Variants in CTNND2 observed in about 807,000 individuals in gnomAD.
CTNND2 encodes the protein catenin delta 2.
In CTNND2, 22 loss-of-function variants were observed where a neutral mutation model predicts 144.4. The ratio of observed to expected loss-of-function variants is 0.15; its 90% CI spans 0.11 to 0.22. The LOEUF (loss-of-function observed/expected upper bound fraction) is 0.22, where lower values mean the gene tolerates loss of function less well. Among genes scored for constraint, CTNND2 ranks in the 10% least tolerant of loss-of-function variants. The pLI is 1.00. For synonymous variants in CTNND2, 751 were observed against 695.6 expected (o/e 1.08, Z -1.25); for missense variants, 1,353 against 1,618.8 (o/e 0.84, Z 2.82).
intron 1 of CTNND2, among the ~76,000 whole-genome samples, chr5:11,848,572 G>A (rs1794859111): frequency 6.6e-6 from 1 of 151,908 alleles, no homozygotes; most frequent in Non-Finnish European, 1.5e-5. Context: ...TTACACAATG[G>A]CAATGTTTAC....
intron 1 of CTNND2, among the ~76,000 whole-genome samples, chr5:11,742,917 A>G (rs1173882145): frequency 6.6e-6 from 1 of 152,218 alleles, no homozygotes; most frequent in Admixed American, 6.5e-5. Flanking sequence ...TCTCATCACC[A>G]AAACTGCAAT....
intron 3 of CTNND2, among the ~76,000 whole-genome samples, chr5:11,435,316 G>A (rs189097199): frequency 0.015 from 2,208 of 150,932 alleles, 18 homozygotes; most frequent in Non-Finnish European, 0.023. Flanking sequence ...TTTTTTTTTT[G>A]TATTTTTAGT....
intron 9 of CTNND2, among the ~76,000 whole-genome samples, chr5:11,262,785 A>AAAAG (rs1185224073): frequency 7.1e-4 from 105 of 148,064 alleles, no homozygotes; most frequent in Non-Finnish European, 9.4e-4. Context: ...AAAAAAAAAA[A>AAAAG]AAAGAAAGAA....
chr5:11,051,917 G>A (rs1335057461), intron 16 of CTNND2, among the ~76,000 whole-genome samples: 3 of 152,124 alleles, frequency 2.0e-5, no homozygotes, highest in African/African-American at 4.8e-5. Flanking sequence ...ACTACGTAAC[G>A]TTGTGCGTTT....
chr5:11,551,403 T>C lies in CTNND2; in HGVS notation c.287+13541A>G, dbSNP rs1370985132. 2.6e-5 allele frequency among the ~76,000 whole-genome samples: 4 copies of C among 151,686 alleles called. No homozygotes were observed. The East Asian group carries it at 7.7e-4, about 29-fold the overall frequency. ...CACAGCAGCAACATATTTTATCATG[T>C]TTTAGCATATTTATGCTTTTTCTTT... On this transcript the variant is annotated intron_variant, in intron 3 of 21. Transcript: ENST00000304623.
chr5:11,649,579 T>G (rs977057803), intron 2 of CTNND2, among the ~76,000 whole-genome samples: 1 of 152,140 alleles, frequency 6.6e-6, no homozygotes. Context: ...CCTCCCAAAG[T>G]GCAGAGATTA....
intron 8 of CTNND2, among the ~76,000 whole-genome samples, chr5:11,362,211 GT>G (rs941966767): frequency 4.6e-5 from 2 of 43,660 alleles, no homozygotes; most frequent in African/African-American, 6.3e-5. Context: ...AACTTAGAAT[GT>G]TTTTTTACGG....
intron 10 of CTNND2, among the ~76,000 whole-genome samples, chr5:11,214,926 A>G (rs1739017855): frequency 1.3e-5 from 2 of 151,862 alleles, no homozygotes; most frequent in African/African-American, 4.8e-5. Context: ...AGCTCCATTT[A>G]CCACCTGACA....
chr5:11,475,904 G>T (rs1466247283), intron 3 of CTNND2, among the ~76,000 whole-genome samples: 1 of 152,026 alleles, frequency 6.6e-6, no homozygotes, highest in African/African-American at 2.4e-5. Flanking sequence ...CGGTAACCCA[G>T]GCTGGAATAT....
chr5:11,072,530 A>T (rs1748446626), intron 16 of CTNND2, among the ~76,000 whole-genome samples: 1 of 152,210 alleles, frequency 6.6e-6, no homozygotes, highest in Admixed American at 6.5e-5. Flanking sequence ...ATTGTTACGA[A>T]CTTTCTGGTT....
intron 18 of CTNND2, among the ~76,000 whole-genome samples, chr5:11,002,634 A>T (rs1740074378): frequency 6.6e-6 from 1 of 152,208 alleles, no homozygotes; most frequent in Non-Finnish European, 1.5e-5. Flanking sequence ...GTGTTTCAAC[A>T]GATGAGATTT....
At position 10,972,734 on chromosome 5, in the gene CTNND2, A is replaced by G. The variant is rs954175256; in HGVS notation, c.*719T>C. ...GTTTAGTTGTCACAAACAAATTCAC[A>G]TATCAGAACGAACAATACTGCTAAA... On this transcript the variant is annotated 3_prime_UTR_variant, in exon 22 of 22. Coordinates refer to ENST00000304623, the MANE Select transcript of CTNND2 (RefSeq NM_001332.4). The G allele has an allele frequency of 3.3e-5, 5 of 152,230 alleles. No individual in the cohort carries two copies. Among genetic ancestry groups the G allele is most frequent in the Admixed American group, 6.6e-5 (1 of 15,246 alleles). The allele number at this position is 152,230 out of a possible 1,614,324, so 9.4% of individuals were successfully genotyped here.
rs1295940957 is a variant in CTNND2, at chr5:11,856,321, AG to A, written c.37+47495del. Among the ~76,000 whole-genome samples, 29 of 152,312 alleles carry A rather than the reference AG, an allele frequency of 1.9e-4. No individual in the cohort carries two copies. The East Asian group carries it at 5.6e-3, about 29-fold the overall frequency. On this transcript the variant is annotated intron_variant, in intron 1 of 21. Transcript: ENST00000304623. ...TCATTCGGCATGGCCAGAGGGAACGAGGTAAGAAGGGATGCTGTGGAAGGGG... is the reference window on the plus strand; with the variant it reads ...TCATTCGGCATGGCCAGAGGGAACGAGTAAGAAGGGATGCTGTGGAAGGGG...
intron 5 of CTNND2, among the ~76,000 whole-genome samples, chr5:11,408,508 T>C (rs1256493186): frequency 6.6e-6 from 1 of 152,190 alleles, no homozygotes; most frequent in South Asian, 2.1e-4. Flanking sequence ...ATGGTACTTT[T>C]ATCAATTGTT....
At chr5:11,481,931 T>C (rs1581297323) in intron 3 of CTNND2, among the ~76,000 whole-genome samples, 1 of 152,148 alleles carries the variant, frequency 6.6e-6, no homozygotes, top group Non-Finnish European at 1.5e-5. Flanking sequence ...AGTTTTTAAT[T>C]ACGCCATTTC....
intron 2 of CTNND2, among the ~76,000 whole-genome samples, chr5:11,720,546 C>T (rs764927415): frequency 6.6e-6 from 1 of 152,168 alleles, no homozygotes; most frequent in Non-Finnish European, 1.5e-5. Flanking sequence ...TCCTGTCTCA[C>T]CCGACCACCC....
intron 3 of CTNND2, among the ~76,000 whole-genome samples, chr5:11,428,214 G>C (rs1455511574): frequency 6.6e-6 from 1 of 152,154 alleles, no homozygotes; most frequent in East Asian, 1.9e-4. Flanking sequence ...GACAAAGTCT[G>C]ACTATCAACA....
intron 2 of CTNND2, among the ~76,000 whole-genome samples, chr5:11,724,283 C>T (rs960918765): frequency 1.3e-5 from 2 of 152,054 alleles, no homozygotes; most frequent in Non-Finnish European, 1.5e-5. Flanking sequence ...TTATTCAAGC[C>T]GTGTTCTTGG....
At chr5:11,222,026 C>T (rs531916337) in intron 10 of CTNND2, among the ~76,000 whole-genome samples, 5 of 152,280 alleles carry the variant, frequency 3.3e-5, no homozygotes, top group African/African-American at 9.6e-5. Context: ...TGCATCAAAA[C>T]GGCAAAGCAC....
Sources: gnomAD v4.1 joint callset for allele counts (sites outside exome capture counted in the v4.1 genomes callset) on GRCh38, gnomAD v4.1.1 for gene constraint, MANE v1.5 for transcripts, NCBI Gene and HGNC (gene_info 2026-07-23, HGNC 2026-07-21) for gene names.